The following KCNJ6 variants were observed in gnomAD, a reference collection of about 807,000 sequenced individuals.
The protein encoded by KCNJ6 is G protein-activated inward rectifier potassium channel 2.
Under a neutral mutation model 34.2 loss-of-function variants are expected in KCNJ6, and 9 were observed. The ratio of observed to expected loss-of-function variants is 0.26; its 90% CI spans 0.16 to 0.46. The LOEUF is 0.46. KCNJ6 is among the 20% of genes least tolerant of loss of function. The pLI is 1.00. For synonymous variants in KCNJ6, 196 were observed against 207.1 expected, an observed-to-expected ratio of 0.95 and a Z score of 0.46; for missense variants, 236 against 531.3, an observed-to-expected ratio of 0.44 and a Z score of 5.46.
Position 37,611,433 on chromosome 21 carries a change from T to G in KCNJ6, c.*13726A>C, listed in dbSNP as rs994982663. ...CAAAGACTTAAGGAAGAAATGATACTGATTATCTACAATCTCTTTCAAAAG... is the reference window on the plus strand; with the variant it reads ...CAAAGACTTAAGGAAGAAATGATACGGATTATCTACAATCTCTTTCAAAAG... On this transcript the variant is annotated 3_prime_UTR_variant, in exon 4 of 4. Transcript: ENST00000609713. The G allele has an allele frequency of 6.6e-6, 1 of 152,200 alleles. No individual in the cohort carries two copies. Among genetic ancestry groups the G allele is most frequent in the Non-Finnish European group, 1.5e-5 (1 of 68,032 alleles). The allele number at this position is 152,200 out of a possible 1,614,324, so 9.4% of individuals were successfully genotyped here.
chr21:37,722,833 C>T (rs989738695), intron 2 of KCNJ6, among the ~76,000 whole-genome samples: 4 of 152,124 alleles, frequency 2.6e-5, no homozygotes, highest in African/African-American at 9.7e-5. Flanking sequence ...TATAAGAATC[C>T]TAGGAGGAAA....
Position 37,620,263 on chromosome 21 carries a change from G to C in KCNJ6, c.*4896C>G, listed in dbSNP as rs796219144. ...GGGGTCAGCAAACTTTTTTTATACAGGGCCAGATAGTAAATATTTCAATCT... is the reference window on the plus strand; with the variant it reads ...GGGGTCAGCAAACTTTTTTTATACACGGCCAGATAGTAAATATTTCAATCT... On this transcript the variant is annotated 3_prime_UTR_variant, in exon 4 of 4. Transcript: ENST00000609713. The C allele has an allele frequency of 2.6e-5, 4 of 152,088 alleles. No homozygotes were observed. Among genetic ancestry groups the C allele is most frequent in the African/African-American group, 9.6e-5 (4 of 41,460 alleles). The allele number at this position is 152,088 out of a possible 1,614,324, so 9.4% of individuals were successfully genotyped here.
chr21:37,645,021 T>TG (rs200795025), intron 3 of KCNJ6, among the ~76,000 whole-genome samples: 22,978 of 94,438 alleles, frequency 0.24, 2,906 homozygotes, highest in African/African-American at 0.42. Context: ...AGGTGGGTTT[T>TG]TTTTTTTTTT....
At chr21:37,830,123 A>G (rs920314576) in intron 2 of KCNJ6, among the ~76,000 whole-genome samples, 1 of 152,196 alleles carries the variant, frequency 6.6e-6, no homozygotes, top group African/African-American at 2.4e-5. Context: ...AAATCAGTGC[A>G]TCTTTCTGAG....
intron 1 of KCNJ6, among the ~76,000 whole-genome samples, chr21:37,881,773 T>G (rs1451090414): frequency 6.6e-6 from 1 of 152,092 alleles, no homozygotes; most frequent in Non-Finnish European, 1.5e-5. Flanking sequence ...AAAGTTCTCA[T>G]CTCCAAATGC....
chr21:37,809,380 T>TGG (rs1331928551), intron 2 of KCNJ6, among the ~76,000 whole-genome samples: 1 of 142,052 alleles, frequency 7.0e-6, no homozygotes. Context: ...TGTTGTGGGG[T>TGG]GGGGAGAGGG....
intron 2 of KCNJ6, among the ~76,000 whole-genome samples, chr21:37,781,204 T>C (rs1295497039): frequency 1.3e-5 from 2 of 152,236 alleles, no homozygotes; most frequent in African/African-American, 4.8e-5. Flanking sequence ...CGGAAGCTTC[T>C]TGACATGGTG....
In KCNJ6 at chr21:37,658,613, A is replaced by G. The variant is rs899217621; in HGVS notation, c.947-33129T>C. On this transcript the variant is annotated intron_variant, in intron 3 of 3. Transcript: ENST00000609713. ...ATAGATGAAAAGAGAAAATATACCCAGATACTTTGCTCACTCTCCCAAGTG... is the reference window on the plus strand; with the variant it reads ...ATAGATGAAAAGAGAAAATATACCCGGATACTTTGCTCACTCTCCCAAGTG... Among the ~76,000 whole-genome samples the G allele has an allele frequency of 4.3e-4, 66 of 152,176 alleles. 1 individual carries two copies. Among genetic ancestry groups the G allele is most frequent in the African/African-American group, 1.6e-3 (65 of 41,428 alleles).
chr21:37,640,006 T>C (rs1438225893), intron 3 of KCNJ6, among the ~76,000 whole-genome samples: 1 of 152,248 alleles, frequency 6.6e-6, no homozygotes, highest in African/African-American at 2.4e-5. Flanking sequence ...ACCTCTTTTC[T>C]TTATAGATTA....
chr21:37,645,472 C>T (rs1031482014), intron 3 of KCNJ6, among the ~76,000 whole-genome samples: 2 of 152,028 alleles, frequency 1.3e-5, no homozygotes, highest in Non-Finnish European at 2.9e-5. Flanking sequence ...ACATATTTAT[C>T]GAAGCAACCA....
chr21:37,743,485 AAG>A (rs2054951029), intron 2 of KCNJ6, among the ~76,000 whole-genome samples: 1 of 152,174 alleles, frequency 6.6e-6, no homozygotes, highest in Non-Finnish European at 1.5e-5. Context: ...TGGAACATTT[AAG>A]AGGTGATTAG....
intron 2 of KCNJ6, among the ~76,000 whole-genome samples, chr21:37,780,513 A>G (rs185017473): frequency 7.9e-5 from 12 of 151,748 alleles, no homozygotes; most frequent in Middle Eastern, 3.4e-3. Flanking sequence ...TATTGTTACA[A>G]TCATATCAAA....
At chr21:37,801,528 T>C (rs763069966) in intron 2 of KCNJ6, among the ~76,000 whole-genome samples, 3 of 152,206 alleles carry the variant, frequency 2.0e-5, no homozygotes, top group Admixed American at 6.5e-5. Context: ...CCCCAGGGCA[T>C]GGGCTCACCA....
intron 1 of KCNJ6, among the ~76,000 whole-genome samples, chr21:37,853,846 G>GTATATATATATATA (rs144698876): frequency 0.04 from 4,629 of 115,824 alleles, 159 homozygotes; most frequent in Middle Eastern, 0.074. Context: ...ATATATATAT[G>GTATATATATATATA]TATATATATA....
In KCNJ6 at chr21:37,624,977, A is replaced by G. The variant is rs1167983209; in HGVS notation, c.*182T>C. ...CATCAAATCCATGTCTACCTTGTCA[A>G]TCTGAATAACTGAGAGAGGGCAGGT... On this transcript the variant is annotated 3_prime_UTR_variant, in exon 4 of 4. Transcript: ENST00000609713. 1.7e-6 allele frequency: 1 copy of G among 603,774 alleles called. No homozygotes were observed. Among genetic ancestry groups the G allele is most frequent in the Non-Finnish European group, 2.9e-6 (1 of 343,390 alleles). 37.4% of individuals were successfully genotyped at this position (603,774 alleles called of 1,614,324 possible).
intron 1 of KCNJ6, among the ~76,000 whole-genome samples, chr21:37,841,884 T>C (rs907371600): frequency 1.3e-5 from 2 of 152,224 alleles, no homozygotes; most frequent in African/African-American, 4.8e-5. Context: ...CTTATATGGT[T>C]GTGCACTTGT....
At chr21:37,875,108 C>A (rs974674478) in intron 1 of KCNJ6, among the ~76,000 whole-genome samples, 2 of 152,196 alleles carry the variant, frequency 1.3e-5, no homozygotes, top group African/African-American at 4.8e-5. Context: ...ACATGCTCCT[C>A]CCCTGCCCTC....
At chr21:37,740,743 C>T (rs947174482) in intron 2 of KCNJ6, among the ~76,000 whole-genome samples, 2 of 152,200 alleles carry the variant, frequency 1.3e-5, no homozygotes, top group South Asian at 4.1e-4. Flanking sequence ...CTGCCATTCC[C>T]CTGTTCCTGG....
intron 2 of KCNJ6, among the ~76,000 whole-genome samples, chr21:37,837,308 T>C (rs1162377234): frequency 6.6e-6 from 1 of 152,198 alleles, no homozygotes; most frequent in Non-Finnish European, 1.5e-5. Flanking sequence ...CACAGCAAAG[T>C]CGTCAGAAAA....
Sources: gnomAD v4.1 joint callset for allele counts (sites outside exome capture counted in the v4.1 genomes callset) on GRCh38, gnomAD v4.1.1 for gene constraint, MANE v1.5 for transcripts, NCBI Gene and HGNC (gene_info 2026-07-23, HGNC 2026-07-21) for gene names.